The following ZDHHC13 variants were observed in gnomAD, a reference collection of about 807,000 sequenced individuals.
The protein encoded by ZDHHC13 is zDHHC palmitoyltransferase 13.
Under a neutral mutation model 86.0 loss-of-function variants are expected in ZDHHC13, and 85 were observed. The ratio of observed to expected loss-of-function variants is 0.99; its 90% CI spans 0.83 to 1.18. The LOEUF is 1.18. Among genes scored for constraint, ZDHHC13 ranks in the 50% most tolerant of loss-of-function variants. ZDHHC13 has a pLI of 0.00. For synonymous variants in ZDHHC13, 263 were observed against 246.4 expected, an observed-to-expected ratio of 1.07 and a Z score of -0.63; for missense variants, 711 against 730.2, an observed-to-expected ratio of 0.97 and a Z score of 0.30.
At chr11:19,172,702 C>T in intron 15 of ZDHHC13, 21 bp from the exon 16 acceptor site, 1 of 1,566,548 alleles carries the variant, frequency 6.4e-7, no homozygotes, top group East Asian at 2.4e-5. Context: ...ATGTGTGCAA[C>T]CTTCCACCCT....
chr11:19,172,378 G>C (rs753516187), intron 15 of ZDHHC13, among the ~76,000 whole-genome samples: 1 of 152,042 alleles, frequency 6.6e-6, no homozygotes, highest in Non-Finnish European at 1.5e-5. Flanking sequence ...GCCGCAGTTA[G>C]GTATTTTAAA....
chr11:19,136,935 A>G (rs189291709), intron 1 of ZDHHC13, among the ~76,000 whole-genome samples: 20 of 152,336 alleles, frequency 1.3e-4, no homozygotes, highest in African/African-American at 3.8e-4. Context: ...ATGGAAAGGA[A>G]CAACAGATAC....
In ZDHHC13 at chr11:19,117,650, G is replaced by C. The variant is rs1427186003; in HGVS notation, c.27+374G>C. On this transcript the variant is annotated intron_variant, in intron 1 of 16. Coordinates refer to ENST00000446113, the MANE Select transcript of ZDHHC13 (RefSeq NM_019028.3). The surrounding 1 kb of genome is among the most constrained non-coding windows in gnomAD (Gnocchi z 4.2). ...CTGATTCGGACCCGCCCGTCTTGAC[G>C]TTGGCCCGGAGTCGGAGCGGTTCTG... 1 of 252,228 alleles carries C rather than the reference G, an allele frequency of 4.0e-6. No homozygotes were observed. Among genetic ancestry groups the C allele is most frequent in the African/African-American group, 2.2e-5 (1 of 44,924 alleles). 15.6% of individuals were successfully genotyped at this position (252,228 alleles called of 1,614,324 possible).
At chr11:19,129,609 G>A (rs1848945940) in intron 1 of ZDHHC13, among the ~76,000 whole-genome samples, 1 of 151,904 alleles carries the variant, frequency 6.6e-6, no homozygotes, top group South Asian at 2.1e-4. Context: ...AATATGGTGG[G>A]TTACATTGAT....
At chr11:19,150,294 C>T (rs1340346686) in intron 5 of ZDHHC13, among the ~76,000 whole-genome samples, 1 of 151,982 alleles carries the variant, frequency 6.6e-6, no homozygotes, top group Non-Finnish European at 1.5e-5. Context: ...TCCAGAAAGA[C>T]AAGTTGCCTC....
intron 1 of ZDHHC13, among the ~76,000 whole-genome samples, chr11:19,119,445 A>G (rs902001243): frequency 1.3e-5 from 2 of 152,158 alleles, no homozygotes; most frequent in Non-Finnish European, 2.9e-5. Flanking sequence ...GGTCATCCCC[A>G]GCCACACCAG....
intron 6 of ZDHHC13, 57 bp from the exon 7 acceptor site, chr11:19,152,101 A>G: frequency 1.3e-6 from 2 of 1,547,566 alleles, no homozygotes; most frequent in Non-Finnish European, 8.8e-7. Flanking sequence ...ATTTGCATTT[A>G]CTCCTTAAGT....
At chr11:19,137,279 A>G (rs1450856823) in intron 1 of ZDHHC13, among the ~76,000 whole-genome samples, 2 of 152,124 alleles carry the variant, frequency 1.3e-5, no homozygotes, top group Non-Finnish European at 2.9e-5. Flanking sequence ...AGTCTCTGAT[A>G]AAACAGACTT....
At chr11:19,145,483 T>A in intron 2 of ZDHHC13, among the ~76,000 whole-genome samples, 1 of 152,242 alleles carries the variant, frequency 6.6e-6, no homozygotes, top group Non-Finnish European at 1.5e-5. Context: ...TACATAAAGC[T>A]AAACTTCATA....
upstream of ZDHHC13, chr11:19,117,166 G>T: frequency 1.4e-6 from 2 of 1,467,208 alleles, no homozygotes; most frequent in South Asian, 2.4e-5. This position sits in a 1 kb window ranked among gnomAD's most constrained non-coding sequence, Gnocchi z 4.2. Flanking sequence ...GGAAGTGGGA[G>T]AAGAGGCGAC....
At chr11:19,136,500 C>A (rs1849145508) in intron 1 of ZDHHC13, among the ~76,000 whole-genome samples, 3 of 152,212 alleles carry the variant, frequency 2.0e-5, no homozygotes, top group Admixed American at 2.0e-4. Context: ...AAACACTCTG[C>A]AGGCTATTAT....
chr11:19,149,048 C>T, intron 4 of ZDHHC13, 139 bp from the exon 5 acceptor site: 2 of 712,558 alleles, frequency 2.8e-6, no homozygotes, highest in Non-Finnish European at 4.1e-6. Flanking sequence ...GGACAATCAC[C>T]ATTGTTTCAA....
Position 19,152,661 on chromosome 11 carries a change from T to G in ZDHHC13, c.850T>G (p.Trp284Gly). ...GAGAGCCAACCAAAAGTTCAGACTT[T>G]GGAGGTGGCTGCAGAAATGCGAGGT... ...KMRANQKFRL[W>G]RWLQKCELFL... Residue 284 changes from tryptophan (W) to glycine (G), a missense_variant, in exon 8 of 17, where the codon TGG (tryptophan) becomes GGG (glycine). Physicochemically the swap from Trp to Gly is radical, Grantham distance 184. Transcript: ENST00000446113. 6.2e-7 allele frequency: 1 copy of G among 1,613,338 alleles called. No homozygotes were observed. Among genetic ancestry groups the G allele is most frequent in the Non-Finnish European group, 8.5e-7 (1 of 1,179,374 alleles).
chr11:19,152,673 C>T lies in ZDHHC13; in HGVS notation c.862C>T (p.Gln288Ter). ...NQKFRLWRWL[Q>*]KCELFLLLML... ...AAAGTTCAGACTTTGGAGGTGGCTG[C>T]AGAAATGCGAGGTATTTTCATATGG... The change falls in exon 8 of 17, where the codon CAG (glutamine) becomes TAG (stop). Residue 288 changes from glutamine to a stop codon, truncating the protein, a stop_gained. Transcript: ENST00000446113. LOFTEE classifies it high-confidence loss of function. The T allele has an allele frequency of 6.2e-7, 1 of 1,613,084 alleles. No individual in the cohort carries two copies. The highest frequency in any genetic ancestry group is 8.5e-7 in the Non-Finnish European group (1 of 1,179,296).
At chr11:19,124,316 A>G (rs1275144786) in intron 1 of ZDHHC13, among the ~76,000 whole-genome samples, 1 of 152,156 alleles carries the variant, frequency 6.6e-6, no homozygotes, top group African/African-American at 2.4e-5. Flanking sequence ...GTATGTATGT[A>G]TATAGCACAA....
At chr11:19,169,885 G>T in intron 14 of ZDHHC13, 1 of 985,716 alleles carries the variant, frequency 1.0e-6, no homozygotes, top group Non-Finnish European at 1.2e-6. Flanking sequence ...TTCCTCTGCA[G>T]ATTTAGTTAT....
intron 7 of ZDHHC13, 76 bp from the exon 8 acceptor site, chr11:19,152,483 G>C: frequency 6.8e-7 from 1 of 1,469,086 alleles, no homozygotes; most frequent in Non-Finnish European, 9.0e-7. Flanking sequence ...CTATGATTCT[G>C]GTGTTTTTAA....
At chr11:19,171,517 A>G (rs1850220483) in intron 15 of ZDHHC13, among the ~76,000 whole-genome samples, 1 of 152,226 alleles carries the variant, frequency 6.6e-6, no homozygotes, top group Admixed American at 6.5e-5. Flanking sequence ...GATGAAACTG[A>G]GTTAATAATA....
chr11:19,155,901 C>G lies in ZDHHC13; in HGVS notation c.979C>G (p.Leu327Val). 6.2e-7 allele frequency: 1 copy of G among 1,609,612 alleles called. No homozygotes were observed. Among genetic ancestry groups the G allele is most frequent in the Non-Finnish European group, 8.5e-7 (1 of 1,178,950 alleles). Reference protein sequence around the residue: ...WLLKGCLLVTLFFLTSLFPRF... With the variant: ...WLLKGCLLVTVFFLTSLFPRF... ...TTTAAAAGGATGTCTTCTAGTAACA[C>G]TGTTTTTTCTGACATCTTTGTTTCC... Residue 327 changes from leucine (L) to valine (V), a missense_variant, in exon 9 of 17, where the codon CTG (leucine) becomes GTG (valine). Leu to Val is a conservative substitution (Grantham distance 32, BLOSUM62 1). Transcript: ENST00000446113.
Sources: allele counts gnomAD v4.1 joint callset (sites outside exome capture counted in the v4.1 genomes callset), GRCh38; gene constraint gnomAD v4.1.1; non-coding constraint Gnocchi (gnomAD v3.1); transcripts MANE v1.5; gene names NCBI Gene and HGNC (gene_info 2026-07-23, HGNC 2026-07-21).